The following FGF13 variants were observed in gnomAD, a reference collection of about 807,000 sequenced individuals.
The protein encoded by FGF13 is fibroblast growth factor 13.
Under a neutral mutation model 19.5 loss-of-function variants are expected in FGF13, and 2 were observed. That is an observed-to-expected ratio of 0.10 (90% CI 0.04 to 0.32). FGF13 has a LOEUF of 0.32. Among genes scored for constraint, FGF13 ranks in the 10% least tolerant of loss-of-function variants. The pLI is 1.00. For synonymous variants in FGF13, 72 were observed against 76.9 expected (o/e 0.94, Z 0.33); for missense variants, 113 against 192.7 (o/e 0.59, Z 2.45).
At chrX:138,917,631 G>C (rs937736227) in intron 1 of FGF13, among the ~76,000 whole-genome samples, 1 of 112,285 alleles carries the variant, frequency 8.9e-6, no homozygotes, top group African/African-American at 3.2e-5. Flanking sequence ...CTAAATGATA[G>C]CTCACTTTTG....
intron 1 of FGF13, among the ~76,000 whole-genome samples, chrX:139,022,171 G>A (rs1304645714): frequency 1.8e-5 from 2 of 111,176 alleles, no homozygotes; most frequent in Admixed American, 1.9e-4. Context: ...TAGGACTAAT[G>A]GACTAGTCTT....
chrX:138,819,377 AG>A (rs2124060766), intron 3 of FGF13, among the ~76,000 whole-genome samples: 1 of 111,703 alleles, frequency 9.0e-6, no homozygotes, highest in East Asian at 2.8e-4. Flanking sequence ...ATAAACTATA[AG>A]GCTGGAGGTT....
chrX:138,632,795 C>G lies in FGF13; in HGVS notation c.*55G>C. 8.6e-7 allele frequency: 1 copy of G among 1,158,138 alleles called. No individual in the cohort carries two copies. The highest frequency in any genetic ancestry group is 2.4e-5 in the Admixed American group (1 of 42,552). Reference sequence around the variant, plus strand: ...TGGGTGAAGGACTGCTAGAAGAATTCAACAGCACCTGGAGGTAAGGTTCTG... The same window carrying G: ...TGGGTGAAGGACTGCTAGAAGAATTGAACAGCACCTGGAGGTAAGGTTCTG... On this transcript the variant is annotated 3_prime_UTR_variant, in exon 5 of 5. Coordinates refer to ENST00000315930, the MANE Select transcript of FGF13 (RefSeq NM_004114.5).
chrX:138,902,151 C>T (rs943791799), intron 1 of FGF13, among the ~76,000 whole-genome samples: 1 of 112,157 alleles, frequency 8.9e-6, no homozygotes, highest in African/African-American at 3.2e-5. Context: ...GATTATGGTT[C>T]TGAGTGTTTG....
At chrX:138,803,930 CCAAATGCAGTGG>C (rs1360663270) in intron 3 of FGF13, among the ~76,000 whole-genome samples, 1 of 111,761 alleles carries the variant, frequency 8.9e-6, no homozygotes, top group Admixed American at 9.5e-5. Flanking sequence ...TGATTTGATG[CCAAATGCAGTGG>C]CAGCATAGCG....
intron 3 of FGF13, among the ~76,000 whole-genome samples, chrX:138,657,593 A>G (rs1303188292): frequency 8.9e-6 from 1 of 111,993 alleles, no homozygotes. Context: ...ACGGAACTAC[A>G]TTGCCTACTT....
chrX:139,014,725 G>A (rs7054456), intron 1 of FGF13, among the ~76,000 whole-genome samples: 4,638 of 111,032 alleles, frequency 0.042, 246 homozygotes, highest in African/African-American at 0.14. Flanking sequence ...TACAAGGCTG[G>A]TATTATCCTG....
intron 1 of FGF13, among the ~76,000 whole-genome samples, chrX:139,046,736 G>C (rs1257666663): frequency 1.8e-5 from 2 of 111,565 alleles, no homozygotes; most frequent in Non-Finnish European, 3.8e-5. Context: ...ACTTGGAAAG[G>C]AATGAATGGA....
chrX:138,654,373 C>T (rs2089410933), intron 3 of FGF13, among the ~76,000 whole-genome samples: 1 of 111,910 alleles, frequency 8.9e-6, no homozygotes, highest in South Asian at 3.7e-4. Context: ...CAAAACAGGA[C>T]TAACAATCAA....
chrX:138,637,099 T>C (rs925821039), intron 3 of FGF13, among the ~76,000 whole-genome samples: 2 of 112,000 alleles, frequency 1.8e-5, no homozygotes, highest in Non-Finnish European at 3.8e-5. Context: ...TTGGGGTTAT[T>C]TCAGCCTAGG....
At chrX:138,711,797 TCCCACCCCCACC>T (rs1236423017), upstream of FGF13, 20 of 344,116 alleles carry the variant, frequency 5.8e-5, no homozygotes, top group African/African-American at 4.6e-4. Flanking sequence ...AGGCCGCCCC[TCCCACCCCCACC>T]CCCACCCCCA....
chrX:139,047,842 A>G (rs926605009), intron 1 of FGF13, among the ~76,000 whole-genome samples: 1 of 111,881 alleles, frequency 8.9e-6, no homozygotes, highest in East Asian at 2.8e-4. Context: ...ATGTTTCAAC[A>G]AATTTGTAAT....
chrX:139,036,637 A>G (rs2092251493), intron 1 of FGF13, among the ~76,000 whole-genome samples: 1 of 111,273 alleles, frequency 9.0e-6, no homozygotes, highest in Non-Finnish European at 1.9e-5. Flanking sequence ...ATAGTGTATT[A>G]GTCCATTTTC....
At chrX:138,721,893 G>A (rs1029798581) in intron 1 of FGF13, among the ~76,000 whole-genome samples, 1 of 109,432 alleles carries the variant, frequency 9.1e-6, no homozygotes, top group Non-Finnish European at 1.9e-5. Context: ...TTTTCATAAC[G>A]TTCTGATCAT....
Position 138,685,726 on chromosome X carries a change from A to C in FGF13, c.402+17258T>G, listed in dbSNP as rs1473879801. Among the ~76,000 whole-genome samples, 3 of 111,526 alleles carry C rather than the reference A, an allele frequency of 2.7e-5. No individual in the cohort carries two copies. The East Asian group carries it at 8.4e-4, about 31-fold the overall frequency. On this transcript the variant is annotated intron_variant, in intron 3 of 4. Coordinates refer to ENST00000315930, the MANE Select transcript of FGF13 (RefSeq NM_004114.5). ...CTGTCTCTATAATCCTACTCTTAGA[A>C]TCCTAGAAGCAATTTAAATGGAAAC...
intron 1 of FGF13, among the ~76,000 whole-genome samples, chrX:139,169,401 T>C (rs1295729795): frequency 9.0e-6 from 1 of 111,277 alleles, no homozygotes; most frequent in Admixed American, 9.6e-5. Context: ...GACATCCCTG[T>C]ACAATGGCCC....
chrX:138,979,568 T>A (rs1255570548), intron 1 of FGF13, among the ~76,000 whole-genome samples: 1 of 110,314 alleles, frequency 9.1e-6, no homozygotes, highest in African/African-American at 3.3e-5. Context: ...AATGACCTTT[T>A]TCCCATTTGA....
chrX:138,770,629 C>T (rs2090538343), intron 3 of FGF13, among the ~76,000 whole-genome samples: 1 of 111,747 alleles, frequency 8.9e-6, no homozygotes, highest in Non-Finnish European at 1.9e-5. Context: ...GATTTCTTTG[C>T]TTGTCTGTCC....
intron 1 of FGF13, among the ~76,000 whole-genome samples, chrX:138,919,245 C>T (rs1248737700): frequency 9.0e-6 from 1 of 111,426 alleles, no homozygotes; most frequent in Non-Finnish European, 1.9e-5. Context: ...TAAAAAAGAA[C>T]TCTAACAAAT....
Sources: allele counts gnomAD v4.1 joint callset (sites outside exome capture counted in the v4.1 genomes callset), GRCh38; gene constraint gnomAD v4.1.1; transcripts MANE v1.5; gene names NCBI Gene and HGNC (gene_info 2026-07-23, HGNC 2026-07-21).